The following HTR1F variants were observed in gnomAD, a reference collection of about 807,000 sequenced individuals.
The protein encoded by HTR1F is 5-hydroxytryptamine (serotonin) receptor 1F, G protein-coupled.
Under a neutral mutation model 24.0 loss-of-function variants are expected in HTR1F, and 17 were observed. The ratio of observed to expected loss-of-function variants is 0.71; its 90% CI spans 0.48 to 1.06. The LOEUF (loss-of-function observed/expected upper bound fraction) is 1.06. Among genes scored for constraint, HTR1F ranks in the 50% least tolerant of loss-of-function variants. The pLI is 0.00. For synonymous variants in HTR1F, 186 were observed against 156.8 expected (o/e 1.19, Z -1.39); for missense variants, 391 against 427.8 (o/e 0.91, Z 0.76).
chr3:87,988,741 T>TC (rs1336669953), intron 2 of HTR1F, among the ~76,000 whole-genome samples: 43 of 151,790 alleles, frequency 2.8e-4, no homozygotes, highest in Non-Finnish European at 5.3e-4. Flanking sequence ...AATAATTTTT[T>TC]TTTTTTTTTG....
At chr3:87,974,542 G>T (rs1372827064) in intron 2 of HTR1F, among the ~76,000 whole-genome samples, 4 of 123,516 alleles carry the variant, frequency 3.2e-5, no homozygotes, top group Non-Finnish European at 7.0e-5. Flanking sequence ...GAAAAAAAAG[G>T]TTTAGATGCC....
intron 2 of HTR1F, among the ~76,000 whole-genome samples, chr3:87,968,037 A>T (rs1705204369): frequency 6.6e-6 from 1 of 152,202 alleles, no homozygotes; most frequent in Non-Finnish European, 1.5e-5. Context: ...ATAGTAATTT[A>T]GACAATAAAG....
At chr3:87,874,581 C>T (rs556464411) in intron 2 of HTR1F, among the ~76,000 whole-genome samples, 1 of 151,148 alleles carries the variant, frequency 6.6e-6, no homozygotes, top group Non-Finnish European at 1.5e-5. Context: ...AACCAGTATA[C>T]AGATTCAATA....
rs902985129 is a variant in HTR1F at position 87,931,878 on chromosome 3, C to T, written c.-42-58830C>T. ...GAAGTGTCTGTTCATATCCTTTGCC[C>T]ACTTTTTGATGGGGTTGTTTTTTTC... On this transcript the variant is annotated intron_variant, in intron 2 of 2. Coordinates refer to ENST00000319595, the MANE Select transcript of HTR1F (RefSeq NM_001322209.2). Among the ~76,000 whole-genome samples, 33 of 150,780 alleles carry T rather than the reference C, an allele frequency of 2.2e-4. 1 individual carries two copies. Among genetic ancestry groups the T allele is most frequent in the African/African-American group, 5.6e-4 (23 of 40,750 alleles).
intron 2 of HTR1F, among the ~76,000 whole-genome samples, chr3:87,846,164 G>A (rs770772982): frequency 1.3e-5 from 2 of 151,984 alleles, no homozygotes; most frequent in Non-Finnish European, 2.9e-5. Context: ...CGGGTGCGGT[G>A]GCTCACGCCT....
At chr3:87,804,391 A>G (rs1704041369) in intron 1 of HTR1F, among the ~76,000 whole-genome samples, 1 of 152,102 alleles carries the variant, frequency 6.6e-6, no homozygotes, top group African/African-American at 2.4e-5. Flanking sequence ...GAAACACAGC[A>G]AGAGCTCATT....
intron 1 of HTR1F, among the ~76,000 whole-genome samples, chr3:87,806,682 G>T (rs1704079651): frequency 6.6e-6 from 1 of 151,892 alleles, no homozygotes. Flanking sequence ...TGTTTCTGTT[G>T]TCTATGCTTT....
intron 1 of HTR1F, among the ~76,000 whole-genome samples, chr3:87,805,898 C>G (rs574719039): frequency 1.3e-5 from 2 of 152,024 alleles, no homozygotes; most frequent in African/African-American, 4.8e-5. Context: ...TCTAACTAAC[C>G]ACATGTTTGT....
At chr3:87,915,021 TCTG>T (rs1703862168) in intron 2 of HTR1F, among the ~76,000 whole-genome samples, 1 of 152,100 alleles carries the variant, frequency 6.6e-6, no homozygotes, top group Admixed American at 6.6e-5. Flanking sequence ...ATCACAGGAC[TCTG>T]CTGTGCAGAC....
chr3:87,794,982 CTTTTTTTTTTTT>C (rs57368229), intron 1 of HTR1F, among the ~76,000 whole-genome samples: 17 of 90,432 alleles, frequency 1.9e-4, no homozygotes, highest in African/African-American at 7.2e-4. Flanking sequence ...TTATGACTGA[CTTTTTTTTTTTT>C]TTTTTTTTTT....
chr3:87,802,216 CCTCT>C (rs1297232056), intron 1 of HTR1F, among the ~76,000 whole-genome samples: 4 of 54,918 alleles, frequency 7.3e-5, no homozygotes, highest in African/African-American at 4.3e-4. Flanking sequence ...TCCCTCCCTC[CCTCT>C]CTCCCTCCCT....
chr3:87,820,286 C>T (rs1291409127), intron 1 of HTR1F, among the ~76,000 whole-genome samples: 1 of 150,298 alleles, frequency 6.7e-6, no homozygotes, highest in Admixed American at 6.6e-5. Flanking sequence ...ACGCCATTCT[C>T]CTGCCTCAGC....
chr3:87,939,700 A>T (rs35946072), intron 2 of HTR1F, among the ~76,000 whole-genome samples: 1 of 152,130 alleles, frequency 6.6e-6, no homozygotes, highest in African/African-American at 2.4e-5. Context: ...CTGTGGGATC[A>T]GTGGTCATAT....
chr3:87,950,571 A>G (rs1338699831), intron 2 of HTR1F, among the ~76,000 whole-genome samples: 1 of 151,242 alleles, frequency 6.6e-6, no homozygotes, highest in Non-Finnish European at 1.5e-5. Context: ...AAAAAAAAAA[A>G]GGGAGGAGTA....
chr3:87,955,822 T>A (rs1455158777), intron 2 of HTR1F, among the ~76,000 whole-genome samples: 1 of 151,496 alleles, frequency 6.6e-6, no homozygotes, highest in African/African-American at 2.4e-5. Context: ...ATTTGGACTA[T>A]TCAAATATCT....
chr3:87,802,019 C>T (rs1703997397), intron 1 of HTR1F, among the ~76,000 whole-genome samples: 1 of 135,866 alleles, frequency 7.4e-6, no homozygotes, highest in Non-Finnish European at 1.5e-5. Context: ...CTTTTTCTTT[C>T]TTTCCCTCCC....
chr3:87,904,852 T>C (rs138316642), intron 2 of HTR1F, among the ~76,000 whole-genome samples: 234 of 152,226 alleles, frequency 1.5e-3, no homozygotes, highest in African/African-American at 5.4e-3. Flanking sequence ...GGAGTGATAA[T>C]GTTTTGGAGG....
chr3:87,876,679 G>A (rs371073930), intron 2 of HTR1F, among the ~76,000 whole-genome samples: 1 of 152,184 alleles, frequency 6.6e-6, no homozygotes, highest in South Asian at 2.1e-4. Context: ...CTAGGGACCA[G>A]GGAAAGGGGT....
At chr3:87,911,407 C>G (rs1183078954) in intron 2 of HTR1F, among the ~76,000 whole-genome samples, 5 of 152,000 alleles carry the variant, frequency 3.3e-5, no homozygotes, top group Admixed American at 6.6e-5. Context: ...CCTCCCAAGA[C>G]AGAACCAAAA....
Sources: gnomAD v4.1 joint callset for allele counts (sites outside exome capture counted in the v4.1 genomes callset) on GRCh38, gnomAD v4.1.1 for gene constraint, MANE v1.5 for transcripts, NCBI Gene and HGNC (gene_info 2026-07-23, HGNC 2026-07-21) for gene names.